The following ASMTL variants were observed in gnomAD, a reference collection of about 807,000 sequenced individuals.
The protein encoded by ASMTL is acetylserotonin O-methyltransferase like, also known as probable bifunctional dTTP/UTP pyrophosphatase/methyltransferase protein.
ASMTL carries 57 observed loss-of-function variants against 60.3 expected under a neutral mutation model. The observed-to-expected ratio is 0.95, with a 90% CI of 0.76 to 1.18. The LOEUF (loss-of-function observed/expected upper bound fraction) is 1.18, where lower values mean the gene tolerates loss of function less well. Among genes scored for constraint, ASMTL ranks in the 50% most tolerant of loss-of-function variants. ASMTL has a pLI of 0.00. For synonymous variants in ASMTL, 419 were observed against 373.0 expected, an observed-to-expected ratio of 1.12 and a Z score of -1.42; for missense variants, 981 against 852.6, an observed-to-expected ratio of 1.15 and a Z score of -1.88.
intron 1 of ASMTL, among the ~76,000 whole-genome samples, chrX:1,445,447 G>T (rs2091211740): frequency 6.6e-6 from 1 of 152,066 alleles, no homozygotes; most frequent in Non-Finnish European, 1.5e-5. Flanking sequence ...CAATAGTCTG[G>T]CATCAATACA....
At chrX:1,421,429 C>A (rs1298504620) in intron 9 of ASMTL, among the ~76,000 whole-genome samples, 2 of 152,088 alleles carry the variant, frequency 1.3e-5, no homozygotes, top group African/African-American at 4.8e-5. Context: ...GGAGGAAATT[C>A]TATTTTCATC....
At position 1,442,109 on chromosome X, in the gene ASMTL, T is replaced by C. The variant is rs182038469; in HGVS notation, c.225+77A>G. 1,176 of 1,527,804 alleles carry C rather than the reference T, an allele frequency of 7.7e-4. 1 individual carries two copies. Among genetic ancestry groups the C allele is most frequent in the Non-Finnish European group, 9.9e-4 (1,104 of 1,115,630 alleles). 94.6% of individuals were successfully genotyped at this position (1,527,804 alleles called of 1,614,324 possible). A position where few individuals can be genotyped will look rare whatever the true frequency, so the allele number is the denominator to read the frequency against. On this transcript the variant is annotated intron_variant, in intron 2 of 12. Coordinates refer to ENST00000381317, the MANE Select transcript of ASMTL (RefSeq NM_004192.4). ...TTTTGAATGACGTTTATTTGTGTCA[T>C]GTATATTTACCACCCGCAAATCCCC...
intron 6 of ASMTL, among the ~76,000 whole-genome samples, chrX:1,430,018 AT>A (rs201873094): frequency 7.2e-4 from 105 of 145,792 alleles, no homozygotes; most frequent in African/African-American, 1.6e-3. Flanking sequence ...GTCTCACTTA[AT>A]TTTTTTTTTT....
Position 1,425,512 on chromosome X carries a change from T to C in ASMTL, c.1060+13A>G. On this transcript the variant is annotated intron_variant, in intron 8 of 12. Transcript: ENST00000381317. ...CAAAGATCCTCAGAGCAAAACCCGC[T>C]GGGTCCTGTCACCTTGCTCTGTCTT... 6.2e-7 allele frequency: 1 copy of C among 1,608,090 alleles called. No homozygotes were observed. Among genetic ancestry groups the C allele is most frequent in the Non-Finnish European group, 8.5e-7 (1 of 1,176,750 alleles).
rs1424974640 is a variant in ASMTL, at chrX:1,430,959, TTTAA to T, written c.509+1306_509+1309del. 8.3e-4 allele frequency among the ~76,000 whole-genome samples: 117 copies of T among 141,414 alleles called. 2 individuals are homozygous for T. In the Middle Eastern group the frequency reaches 0.012, roughly 14 times the overall value. The allele number at this position is 141,414 out of a possible 152,430, so 92.8% of individuals were successfully genotyped here. A position where few individuals can be genotyped will look rare whatever the true frequency, so the allele number is the denominator to read the frequency against. ...ATATAACTAATATGTATTACATATA[TTTAA>T]TTAATATATAATTTACATATAATCA... On this transcript the variant is annotated intron_variant, in intron 6 of 12. Transcript: ENST00000381317.
At position 1,426,726 on chromosome X, in the gene ASMTL, G is replaced by A. The variant is rs778700687; in HGVS notation, c.897+1008C>T. On this transcript the variant is annotated intron_variant, in intron 7 of 12. Transcript: ENST00000381317. Reference sequence around the variant, plus strand: ...AAATTAGCCGGGCTTGGTGGTGGGCGCCTGTAATCAGGAGGCTACTCCTGA... The same window carrying A: ...AAATTAGCCGGGCTTGGTGGTGGGCACCTGTAATCAGGAGGCTACTCCTGA... Among the ~76,000 whole-genome samples the A allele has an allele frequency of 1.3e-3, 193 of 152,250 alleles. 1 individual carries two copies. Among genetic ancestry groups the A allele is most frequent in the African/African-American group, 4.5e-3 (185 of 41,554 alleles).
At chrX:1,415,855 C>G (rs1364706642) in intron 11 of ASMTL, among the ~76,000 whole-genome samples, 1 of 151,062 alleles carries the variant, frequency 6.6e-6, no homozygotes. Context: ...GACACAGACA[C>G]AGGCACACAC....
chrX:1,439,282 A>C (rs56200635), intron 2 of ASMTL, 138 bp from the exon 3 acceptor site: 72 of 798,668 alleles, frequency 9.0e-5, no homozygotes, highest in Admixed American at 6.4e-4. Flanking sequence ...GGGGGTGCTC[A>C]AGGTCACGAG....
At chrX:1,416,763 A>G (rs1480701441) in intron 11 of ASMTL, among the ~76,000 whole-genome samples, 3 of 93,718 alleles carry the variant, frequency 3.2e-5, no homozygotes, top group African/African-American at 1.1e-4. Context: ...ACACAGACAC[A>G]TGCACACACA....
intron 1 of ASMTL, among the ~76,000 whole-genome samples, chrX:1,451,743 C>T (rs754543807): frequency 5.7e-4 from 86 of 149,932 alleles, no homozygotes; most frequent in Non-Finnish European, 1.0e-3. Flanking sequence ...ACCCCCATCC[C>T]TAGGGGGGTC....
At chrX:1,417,522 TGC>T (rs1491433106) in intron 11 of ASMTL, among the ~76,000 whole-genome samples, 1 of 14,768 alleles carries the variant, frequency 6.8e-5, no homozygotes, top group Non-Finnish European at 4.7e-4. Flanking sequence ...GACACAGACA[TGC>T]ACACACACAC....
rs189455542 is a variant in ASMTL at position 1,439,040 on chromosome X, C to G, written c.273+57G>C. The G allele has an allele frequency of 1.3e-4, 199 of 1,577,168 alleles. 2 individuals carry two copies. The Middle Eastern group carries it at 2.2e-3, about 17-fold the overall frequency. ...ACAACATCCACAAGAGGCAGAATCA[C>G]CAAGCACAGGAAAACCACATCGGAC... On this transcript the variant is annotated intron_variant, in intron 3 of 12. Coordinates refer to ENST00000381317, the MANE Select transcript of ASMTL (RefSeq NM_004192.4).
intron 8 of ASMTL, among the ~76,000 whole-genome samples, chrX:1,424,739 C>T (rs1267137657): frequency 1.3e-5 from 2 of 151,630 alleles, no homozygotes; most frequent in South Asian, 2.1e-4. Flanking sequence ...TCCATTCACA[C>T]ATCCATCCAT....
intron 8 of ASMTL, among the ~76,000 whole-genome samples, chrX:1,424,611 TCCACCCATCCATCCACTTAC>T (rs1187317092): frequency 1.4e-5 from 2 of 147,858 alleles, no homozygotes; most frequent in Non-Finnish European, 3.0e-5. Context: ...CACTTATCCA[TCCACCCATCCATCCACTTAC>T]CCACCCATCT....
chrX:1,414,274 C>A (rs1361074251), intron 11 of ASMTL, among the ~76,000 whole-genome samples: 2 of 152,134 alleles, frequency 1.3e-5, no homozygotes, highest in Non-Finnish European at 2.9e-5. Context: ...TCTCAGACCT[C>A]CGGTCTGCAG....
Position 1,442,249 on chromosome X carries a change from C to G in ASMTL, c.162G>C (p.Pro54=). The part of the protein sequence containing the change: ...EKLDKASFAT[P]YGYAMETAKQ... ...TGGCGGTCTCCATGGCGTACCCATACGGAGTAGCGAAGGAGGCTTTGTCCA... is the reference window on the plus strand; with the variant it reads ...TGGCGGTCTCCATGGCGTACCCATAGGGAGTAGCGAAGGAGGCTTTGTCCA... Residue 54 remains proline (P), a synonymous_variant, in exon 2 of 13, where the codon CCG becomes CCC. Coordinates refer to ENST00000381317, the MANE Select transcript of ASMTL (RefSeq NM_004192.4). The G allele has an allele frequency of 6.2e-7, 1 of 1,613,858 alleles. No individual in the cohort carries two copies. The highest frequency in any genetic ancestry group is 8.5e-7 in the Non-Finnish European group (1 of 1,179,852).
chrX:1,437,192 T>TG (rs1452587013), intron 3 of ASMTL, among the ~76,000 whole-genome samples: 1 of 152,112 alleles, frequency 6.6e-6, no homozygotes, highest in Non-Finnish European at 1.5e-5. Flanking sequence ...GATCCAGGTG[T>TG]GGGCAGGGCT....
Position 1,418,050 on chromosome X carries a change from T to C in ASMTL, c.1445A>G (p.Asp482Gly), listed in dbSNP as rs1224975667. The C allele has an allele frequency of 2.5e-6, 4 of 1,612,402 alleles. No individual in the cohort carries two copies. The Admixed American group carries it at 6.7e-5, about 27-fold the overall frequency. The change falls in exon 11 of 13, where the codon GAC (aspartate) becomes GGC (glycine). Residue 482 changes from aspartate to glycine, a missense_variant. Physicochemically the swap from Asp to Gly is moderately conservative, Grantham distance 94 (BLOSUM62 -1). Coordinates refer to ENST00000381317, the MANE Select transcript of ASMTL (RefSeq NM_004192.4). ...EYPRMQVTVF[D>G]LPDIIELAAH... Reference sequence around the variant, plus strand: ...GGCCAGCTCGATAATGTCTGGGAGGTCAAACACAGTCACCTGCATACGAGG... The same window carrying C: ...GGCCAGCTCGATAATGTCTGGGAGGCCAAACACAGTCACCTGCATACGAGG...
chrX:1,415,837 G>A (rs1426678803), intron 11 of ASMTL, among the ~76,000 whole-genome samples: 1 of 152,072 alleles, frequency 6.6e-6, no homozygotes, highest in African/African-American at 2.4e-5. Flanking sequence ...CAGACCCACG[G>A]ACGCACAGAC....
Sources: allele counts gnomAD v4.1 joint callset (sites outside exome capture counted in the v4.1 genomes callset), GRCh38; gene constraint gnomAD v4.1.1; transcripts MANE v1.5; gene names NCBI Gene and HGNC (gene_info 2026-07-23, HGNC 2026-07-21).